ENO4: variants seen among roughly 807,000 people sequenced by gnomAD.
ENO4 encodes the protein enolase 4, also known as 2-phospho-D-glycerate hydro-lyase.
A neutral mutation model predicts 63.2 loss-of-function variants in ENO4; 53 were observed. That is an observed-to-expected ratio of 0.84 (90% CI 0.67 to 1.05). The LOEUF (loss-of-function observed/expected upper bound fraction) is 1.05. ENO4 is among the 50% of genes least tolerant of loss of function. The pLI is 0.00. For synonymous variants in ENO4, 266 were observed against 283.8 expected, an observed-to-expected ratio of 0.94 and a Z score of 0.63; for missense variants, 719 against 772.0, an observed-to-expected ratio of 0.93 and a Z score of 0.81.
intron 10 of ENO4, chr10:116,901,690 C>T: frequency 7.1e-7 from 1 of 1,403,838 alleles, no homozygotes; most frequent in Non-Finnish European, 9.3e-7. Context: ...CTAAAGGAAA[C>T]AAATCAAAGA....
intron 10 of ENO4, among the ~76,000 whole-genome samples, chr10:116,902,861 A>T (rs1283617621): frequency 6.6e-6 from 1 of 152,238 alleles, no homozygotes. Context: ...TCCCTAACAA[A>T]TGTCAGATCA....
chr10:116,861,238 T>TAG, intron 6 of ENO4, 48 bp downstream of exon 6: 1 of 224,870 alleles, frequency 4.4e-6, no homozygotes, highest in Non-Finnish European at 7.3e-6. Flanking sequence ...AAAAAAAAAA[T>TAG]ATATATATAT....
intron 7 of ENO4, among the ~76,000 whole-genome samples, chr10:116,866,559 C>T (rs1352480406): frequency 6.6e-6 from 1 of 152,148 alleles, no homozygotes; most frequent in Non-Finnish European, 1.5e-5. Context: ...TGTGGTAGCA[C>T]ATGCCTATAA....
rs1846343308 is a variant in ENO4, at chr10:116,859,091, C to T, written c.587C>T (p.Pro196Leu). The T allele has an allele frequency of 6.5e-7, 1 of 1,534,128 alleles. No homozygotes were observed. Among genetic ancestry groups the T allele is most frequent in the Non-Finnish European group, 8.7e-7 (1 of 1,145,642 alleles). ...TVPTPLPPVPPPPPPPPPTKK... is the reference protein window; with the variant it reads ...TVPTPLPPVPLPPPPPPPTKK... ...CCTACACCTCTACCTCCAGTACCAC[C>T]ACCACCACCCCCTCCACCTCCTACC... The change falls in exon 4 of 14, where the codon CCA (proline) becomes CTA (leucine). Residue 196 changes from proline (P) to leucine (L), a missense_variant. By Grantham distance (98) the Pro-to-Leu change is moderately conservative (BLOSUM62 -3). Coordinates refer to ENST00000341276, the MANE Select transcript of ENO4 (RefSeq NM_001242699.2).
chr10:116,901,737 C>T lies in ENO4; in HGVS notation c.1195-9762C>T, dbSNP rs765840092. On this transcript the variant is annotated intron_variant, in intron 10 of 10. Coordinates refer to the ENO4 transcript ENST00000369207. The stretch of plus-strand genomic sequence containing the variant: ...TAGTCATTACAGATTCTTCTATACA[C>T]CACTTAGTAAAGAGCATCGTTACTT... 10 of 1,546,326 alleles carry T rather than the reference C, an allele frequency of 6.5e-6. No individual in the cohort carries two copies. The South Asian group carries it at 1.3e-4, about 19-fold the overall frequency.
intron 9 of ENO4, 28 bp from the exon 10 acceptor site, chr10:116,874,048 A>G (rs1156230923): frequency 8.6e-6 from 13 of 1,515,206 alleles, no homozygotes; most frequent in Admixed American, 6.0e-5. Flanking sequence ...TTTATCCCTT[A>G]TTTTAATATT....
At chr10:116,854,236 A>C (rs938552752) in intron 1 of ENO4, among the ~76,000 whole-genome samples, 4 of 152,060 alleles carry the variant, frequency 2.6e-5, no homozygotes, top group Non-Finnish European at 5.9e-5. Flanking sequence ...TCACCACTAA[A>C]ATATCACGTG....
At chr10:116,901,257 A>C (rs891547066) in intron 10 of ENO4, 1 of 985,268 alleles carries the variant, frequency 1.0e-6, no homozygotes. Context: ...TCAAAGTGCC[A>C]CTCTGAAGCA....
chr10:116,854,342 G>A (rs559281746), intron 1 of ENO4, among the ~76,000 whole-genome samples: 54 of 151,288 alleles, frequency 3.6e-4, no homozygotes, highest in Admixed American at 2.0e-3. Context: ...GGCGGATCAC[G>A]AGGTCAGGAG....
chr10:116,875,441 G>C (rs1390502855), intron 10 of ENO4, among the ~76,000 whole-genome samples: 1 of 151,992 alleles, frequency 6.6e-6, no homozygotes, highest in Admixed American at 6.6e-5. Flanking sequence ...GACCTCCCAG[G>C]CTCAAGCCAT....
chr10:116,853,140 A>G (rs1346976389), intron 1 of ENO4, among the ~76,000 whole-genome samples: 1 of 152,054 alleles, frequency 6.6e-6, no homozygotes, highest in Non-Finnish European at 1.5e-5. Flanking sequence ...CTAAAAATAC[A>G]AAAAATTAGC....
At chr10:116,860,502 C>T (rs1164730514) in intron 4 of ENO4, among the ~76,000 whole-genome samples, 1 of 152,150 alleles carries the variant, frequency 6.6e-6, no homozygotes, top group South Asian at 2.1e-4. Flanking sequence ...AGTCTTTTAA[C>T]CCCTCTAAGC....
In ENO4 at chr10:116,895,587, G is replaced by C. The variant is rs367698813; in HGVS notation, c.1194+15601G>C. Among the ~76,000 whole-genome samples, 158 of 152,244 alleles carry C rather than the reference G, an allele frequency of 1.0e-3. 2 individuals are homozygous for C. In the South Asian group the frequency reaches 0.018, roughly 17 times the overall value. On this transcript the variant is annotated intron_variant, in intron 10 of 10. Coordinates refer to the ENO4 transcript ENST00000369207. ...ATGAAACTACCTATGAGTATGCAGG[G>C]TCTAAGGAACAGGATGTGAGTATCT...
At chr10:116,906,903 T>C (rs1242921625) in intron 10 of ENO4, among the ~76,000 whole-genome samples, 2 of 152,230 alleles carry the variant, frequency 1.3e-5, no homozygotes, top group Non-Finnish European at 2.9e-5. Flanking sequence ...AATGTGCACA[T>C]TTTCAACAAG....
chr10:116,880,340 G>A (rs1167722351), intron 13 of ENO4, among the ~76,000 whole-genome samples: 3 of 152,172 alleles, frequency 2.0e-5, no homozygotes, highest in Non-Finnish European at 4.4e-5. Context: ...TTTCCTGAGG[G>A]TTTTTGGAAA....
At chr10:116,909,640 C>T (rs1848110827) in intron 10 of ENO4, among the ~76,000 whole-genome samples, 3 of 152,088 alleles carry the variant, frequency 2.0e-5, no homozygotes, top group Non-Finnish European at 2.9e-5. Flanking sequence ...TTTGGAAAAA[C>T]GAGGTCAGTC....
chr10:116,901,934 A>G (rs1040348941), intron 10 of ENO4: 1 of 1,602,120 alleles, frequency 6.2e-7, no homozygotes, highest in Non-Finnish European at 8.5e-7. Flanking sequence ...TTGGACTCTG[A>G]GGTGGCTAAT....
intron 10 of ENO4, among the ~76,000 whole-genome samples, chr10:116,899,548 A>AGT (rs1264630122): frequency 3.4e-4 from 8 of 23,430 alleles, no homozygotes; most frequent in African/African-American, 7.2e-4. Context: ...TGTGTGTGTG[A>AGT]GAGAGTGCAT....
At chr10:116,853,665 A>G (rs1377969806) in intron 1 of ENO4, among the ~76,000 whole-genome samples, 1 of 152,228 alleles carries the variant, frequency 6.6e-6, no homozygotes, top group South Asian at 2.1e-4. Context: ...TGAACTCACT[A>G]TAACACACAG....
Sources: allele counts gnomAD v4.1 joint callset (sites outside exome capture counted in the v4.1 genomes callset), GRCh38; gene constraint gnomAD v4.1.1; transcripts MANE v1.5; gene names NCBI Gene and HGNC (gene_info 2026-07-23, HGNC 2026-07-21).